Variants in RNF13 observed in about 807,000 individuals in gnomAD.
RNF13 encodes E3 ubiquitin-protein ligase RNF13.
Under a neutral mutation model 37.7 loss-of-function variants are expected in RNF13, and 19 were observed. The ratio of observed to expected loss-of-function variants is 0.50; its 90% CI spans 0.35 to 0.74. RNF13 has a LOEUF of 0.74. Ranked by LOEUF, RNF13 falls within the 30% of genes least tolerant of loss-of-function variation. The pLI is 0.01. For synonymous variants in RNF13, 144 were observed against 157.8 expected, an observed-to-expected ratio of 0.91 and a Z score of 0.65; for missense variants, 375 against 453.0, an observed-to-expected ratio of 0.83 and a Z score of 1.56.
At chr3:149,904,288 GAA>G (rs1716170452) in intron 6 of RNF13, among the ~76,000 whole-genome samples, 1 of 152,066 alleles carries the variant, frequency 6.6e-6, no homozygotes, top group Non-Finnish European at 1.5e-5. Context: ...CTCAGAAGAA[GAA>G]TATCAATGCT....
intron 4 of RNF13, among the ~76,000 whole-genome samples, chr3:149,884,992 C>G (rs977157246): frequency 1.3e-5 from 2 of 152,052 alleles, no homozygotes; most frequent in Admixed American, 6.6e-5. Context: ...GTTTGTCTTT[C>G]TGTGCCTGGC....
rs1024708590 is a variant in RNF13, at chr3:149,852,572, T to C, written c.171T>C (p.Tyr57=). Residue 57 remains tyrosine, a synonymous_variant, in exon 3 of 10, where the codon TAT becomes TAC. Transcript: ENST00000392894. ...ATGACCTCCCTGCAAGATTTGGTTATAGACTTCCAGCTGAAGGTTTAAAGG... is the reference window on the plus strand; with the variant it reads ...ATGACCTCCCTGCAAGATTTGGTTACAGACTTCCAGCTGAAGGTTTAAAGG... The part of the protein sequence containing the change: ...TFDDLPARFG[Y]RLPAEGLKGF... 1.3e-6 allele frequency: 2 copies of C among 1,563,082 alleles called. No homozygotes were observed. Among genetic ancestry groups the C allele is most frequent in the Non-Finnish European group, 8.7e-7 (1 of 1,147,796 alleles).
chr3:149,831,081 T>C (rs1720987157), intron 1 of RNF13, among the ~76,000 whole-genome samples: 1 of 152,370 alleles, frequency 6.6e-6, no homozygotes, highest in Non-Finnish European at 1.5e-5. Context: ...TGCCTGGATG[T>C]CCAGACAGAA....
chr3:149,829,661 T>C (rs1720847457), intron 1 of RNF13, among the ~76,000 whole-genome samples: 1 of 152,178 alleles, frequency 6.6e-6, no homozygotes, highest in South Asian at 2.1e-4. Context: ...GCCCTATTAT[T>C]GTTGTTTTTG....
chr3:149,879,733 G>A (rs1713162514), intron 4 of RNF13, among the ~76,000 whole-genome samples: 1 of 152,134 alleles, frequency 6.6e-6, no homozygotes, highest in Non-Finnish European at 1.5e-5. Flanking sequence ...TAAATAAAGT[G>A]ATGTTAAGTA....
chr3:149,889,292 C>CATGTGTGTGTGT (rs1553761924), intron 4 of RNF13, among the ~76,000 whole-genome samples: 1 of 138,122 alleles, frequency 7.2e-6, no homozygotes, highest in African/African-American at 2.8e-5. Flanking sequence ...TTTGAGTGTG[C>CATGTGTGTGTGT]GTGTGTGTGT....
rs376618726 is a variant in RNF13 at position 149,889,292 on chromosome 3, C to CGTGTGTGTGTGTGTGT, written c.322-6162_322-6147dup. On this transcript the variant is annotated intron_variant, in intron 4 of 9. Coordinates refer to ENST00000392894, the MANE Select transcript of RNF13 (RefSeq NM_183381.3). ...TGCTGAAAATCTGAATTTGAGTGTG[C>CGTGTGTGTGTGTGTGT]GTGTGTGTGTGTGTGTGTGTGTGTG... Among the ~76,000 whole-genome samples the CGTGTGTGTGTGTGTGT allele has an allele frequency of 3.1e-3, 434 of 138,208 alleles. 8 individuals are homozygous for CGTGTGTGTGTGTGTGT. The highest frequency in any genetic ancestry group is 6.2e-3 in the African/African-American group (224 of 36,076). The allele number at this position is 138,208 out of a possible 152,430, so 90.7% of individuals were successfully genotyped here. A position where few individuals can be genotyped will look rare whatever the true frequency, so the allele number is the denominator to read the frequency against.
chr3:149,831,749 C>T (rs1161195807), intron 1 of RNF13, among the ~76,000 whole-genome samples: 1 of 151,952 alleles, frequency 6.6e-6, no homozygotes, highest in Non-Finnish European at 1.5e-5. Context: ...GGTCCAGGGG[C>T]AGGTATTTCT....
At chr3:149,820,486 A>G (rs1180125268) in intron 1 of RNF13, among the ~76,000 whole-genome samples, 2 of 152,200 alleles carry the variant, frequency 1.3e-5, no homozygotes, top group Non-Finnish European at 2.9e-5. Flanking sequence ...AGAAACATCT[A>G]CTTTATTTAG....
At chr3:149,919,126 A>G (rs1485943117) in intron 7 of RNF13, among the ~76,000 whole-genome samples, 4 of 152,134 alleles carry the variant, frequency 2.6e-5, no homozygotes, top group Non-Finnish European at 4.4e-5. Flanking sequence ...TTTAGTGGTT[A>G]CCATTAAACT....
chr3:149,856,132 A>T (rs1351152501), intron 3 of RNF13, among the ~76,000 whole-genome samples: 3 of 152,062 alleles, frequency 2.0e-5, no homozygotes, highest in Non-Finnish European at 1.5e-5. Context: ...AAAAAAAAAA[A>T]CGGTGTTAGA....
chr3:149,826,613 G>A (rs1359880799), intron 1 of RNF13, among the ~76,000 whole-genome samples: 2 of 152,032 alleles, frequency 1.3e-5, no homozygotes, highest in African/African-American at 4.8e-5. Context: ...CTAGTCTCCT[G>A]TATATATTAT....
chr3:149,952,391 A>G lies in RNF13; in HGVS notation c.701-7665A>G, dbSNP rs57843863. Among the ~76,000 whole-genome samples the G allele has an allele frequency of 4.9e-3, 744 of 152,240 alleles. 2 individuals are homozygous for G. The highest frequency in any genetic ancestry group is 0.017 in the African/African-American group (716 of 41,552). Reference sequence around the variant, plus strand: ...ATTGGGCTTTATGCAAAAATAATGTAGGCCCACTGCCCCAAGTGTAACTGA... The same window carrying G: ...ATTGGGCTTTATGCAAAAATAATGTGGGCCCACTGCCCCAAGTGTAACTGA... On this transcript the variant is annotated intron_variant, in intron 8 of 9. Transcript: ENST00000392894.
intron 6 of RNF13, among the ~76,000 whole-genome samples, chr3:149,906,941 G>T (rs1716478549): frequency 6.6e-6 from 1 of 152,004 alleles, no homozygotes; most frequent in Non-Finnish European, 1.5e-5. Flanking sequence ...GTGTGAGTGA[G>T]CAGCGAATTC....
At chr3:149,895,353 A>C (rs1715132054) in intron 4 of RNF13, 120 bp from the exon 5 acceptor site, 2 of 601,490 alleles carry the variant, frequency 3.3e-6, no homozygotes, top group Admixed American at 3.3e-5. Flanking sequence ...GAGTCCTTTT[A>C]ATGTTTTAGC....
At chr3:149,915,828 AGGGACTGAG>A (rs999003179) in intron 7 of RNF13, among the ~76,000 whole-genome samples, 1 of 152,184 alleles carries the variant, frequency 6.6e-6, no homozygotes, top group African/African-American at 2.4e-5. Context: ...GGTGGTTGCC[AGGGACTGAG>A]GGGACTGAGG....
At chr3:149,843,563 C>G (rs1333340949) in intron 1 of RNF13, among the ~76,000 whole-genome samples, 1 of 152,146 alleles carries the variant, frequency 6.6e-6, no homozygotes, top group Non-Finnish European at 1.5e-5. Context: ...TGAATACACA[C>G]AATATACACA....
chr3:149,846,986 G>C (rs544149377), intron 2 of RNF13, among the ~76,000 whole-genome samples: 2 of 152,252 alleles, frequency 1.3e-5, no homozygotes, highest in Non-Finnish European at 2.9e-5. Flanking sequence ...CTTAGCTACT[G>C]TCTTACTTTC....
At chr3:149,892,426 T>C (rs143769841) in intron 4 of RNF13, among the ~76,000 whole-genome samples, 1,752 of 152,320 alleles carry the variant, frequency 0.012, 42 homozygotes, top group African/African-American at 0.039. Flanking sequence ...GATTATTACT[T>C]TGTCTCCTCT....
Sources: allele counts gnomAD v4.1 joint callset (sites outside exome capture counted in the v4.1 genomes callset), GRCh38; gene constraint gnomAD v4.1.1; transcripts MANE v1.5; gene names NCBI Gene and HGNC (gene_info 2026-07-23, HGNC 2026-07-21).